The following IL1RL2 variants were observed in gnomAD, a reference collection of about 807,000 sequenced individuals.
IL1RL2 encodes interleukin-1 receptor-like 2.
Under a neutral mutation model 66.8 loss-of-function variants are expected in IL1RL2, and 68 were observed. The observed-to-expected ratio is 1.02, with a 90% CI of 0.84 to 1.25. The LOEUF (loss-of-function observed/expected upper bound fraction) is 1.25. Ranked by LOEUF, IL1RL2 falls within the 50% of genes most tolerant of loss-of-function variation. IL1RL2 has a pLI of 0.00. For missense variants in IL1RL2, 729 were observed against 709.3 expected (o/e 1.03, Z -0.32); for synonymous variants, 305 against 264.6 (o/e 1.15, Z -1.48).
At chr2:102,201,910 G>A (rs948879241) in intron 5 of IL1RL2, among the ~76,000 whole-genome samples, 195 bp downstream of exon 5, 1 of 152,132 alleles carries the variant, frequency 6.6e-6, no homozygotes, top group Non-Finnish European at 1.5e-5. Flanking sequence ...GAGCAGCTTA[G>A]TTTCCTCTTC....
Position 102,235,110 on chromosome 2 carries a change from T to A in IL1RL2, c.1511T>A (p.Ile504Asn). 1 of 1,614,162 alleles carries A rather than the reference T, an allele frequency of 6.2e-7. No individual in the cohort carries two copies. Among genetic ancestry groups the A allele is most frequent in the Non-Finnish European group, 8.5e-7 (1 of 1,180,030 alleles). Residue 504 changes from isoleucine (I) to asparagine (N), a missense_variant, in exon 11 of 12, where the codon ATC becomes AAC. Coordinates refer to ENST00000264257, the MANE Select transcript of IL1RL2 (RefSeq NM_003854.4). ...YTVMPESIQY[I>N]KQKHGAIRWH... is the part of the protein sequence containing the mutation. ...GTCATGCCAGAGTCAATTCAGTACA[T>A]CAAACAGAAGCATGGTGCCATCCGG...
chr2:102,187,662 G>A (rs1686805593), intron 1 of IL1RL2, among the ~76,000 whole-genome samples, 194 bp from the exon 2 acceptor site: 1 of 152,180 alleles, frequency 6.6e-6, no homozygotes, highest in Non-Finnish European at 1.5e-5. Context: ...ATCCTGGTCG[G>A]GCGCCCAGAC....
chr2:102,204,509 G>T (rs1688535601), intron 5 of IL1RL2, among the ~76,000 whole-genome samples: 1 of 152,046 alleles, frequency 6.6e-6, no homozygotes, highest in African/African-American at 2.4e-5. Context: ...TATTGTATTG[G>T]AGCCTATCTT....
At chr2:102,205,550 G>A (rs1170026780) in intron 5 of IL1RL2, among the ~76,000 whole-genome samples, 2 of 151,934 alleles carry the variant, frequency 1.3e-5, no homozygotes, top group East Asian at 1.9e-4. Flanking sequence ...TTTTTAAAAT[G>A]TGTCATGCCA....
In IL1RL2 at chr2:102,187,172, CAAT is replaced by C. The variant is rs1686752229; in HGVS notation, c.-13+87_-13+89del. 3 of 1,247,620 alleles carry C rather than the reference CAAT, an allele frequency of 2.4e-6. No homozygotes were observed. In the Admixed American group the frequency reaches 7.0e-5, roughly 29 times the overall value. The allele number at this position is 1,247,620 out of a possible 1,614,324, so 77.3% of individuals were successfully genotyped here. ...AGGTGTGCAGGAAAAGACGTGGCAA[CAAT>C]GTGTGCCACCGCAGGCCAGGGATCA... is the stretch of plus-strand genomic sequence containing the variant. On this transcript the variant is annotated intron_variant, in intron 1 of 11. Coordinates refer to ENST00000264257, the MANE Select transcript of IL1RL2 (RefSeq NM_003854.4).
In IL1RL2 at chr2:102,189,457, C is replaced by T. The variant is rs35276037; in HGVS notation, c.293+147C>T. Reference sequence around the variant, plus strand: ...GCTACAAGACAATTTCCAGTGAACACATTTTTAAACAGAACAGATTTGTAA... The same window carrying T: ...GCTACAAGACAATTTCCAGTGAACATATTTTTAAACAGAACAGATTTGTAA... On this transcript the variant is annotated intron_variant, in intron 3 of 11. Coordinates refer to ENST00000264257, the MANE Select transcript of IL1RL2 (RefSeq NM_003854.4). 2,135 of 608,716 alleles carry T rather than the reference C, an allele frequency of 3.5e-3. 12 individuals carry two copies. Among genetic ancestry groups the T allele is most frequent in the African/African-American group, 0.018 (985 of 54,230 alleles). 37.7% of individuals were successfully genotyped at this position (608,716 alleles called of 1,614,324 possible).
intron 6 of IL1RL2, among the ~76,000 whole-genome samples, chr2:102,218,414 GGAAA>G (rs758434317): frequency 6.6e-6 from 1 of 152,108 alleles, no homozygotes; most frequent in Non-Finnish European, 1.5e-5. Flanking sequence ...GCAAGATAAG[GGAAA>G]GAGAGGGAAA....
intron 6 of IL1RL2, among the ~76,000 whole-genome samples, chr2:102,216,700 G>A (rs2104821081): frequency 6.6e-6 from 1 of 152,138 alleles, no homozygotes; most frequent in East Asian, 1.9e-4. Context: ...GTTCTCTGTA[G>A]TCCTAAGCTT....
At chr2:102,236,811 TA>T (rs1415252947) in intron 11 of IL1RL2, among the ~76,000 whole-genome samples, 1 of 152,156 alleles carries the variant, frequency 6.6e-6, no homozygotes, top group Non-Finnish European at 1.5e-5. Flanking sequence ...ATAACAGCAT[TA>T]AAAAATGGCT....
chr2:102,187,771 T>G, intron 1 of IL1RL2, 85 bp from the exon 2 acceptor site: 1 of 1,171,776 alleles, frequency 8.5e-7, no homozygotes, highest in Non-Finnish European at 1.3e-6. Flanking sequence ...GCGGTTGTCT[T>G]TGAGATTCCG....
chr2:102,238,892 C>T (rs1341107171), intron 11 of IL1RL2, among the ~76,000 whole-genome samples: 1 of 152,168 alleles, frequency 6.6e-6, no homozygotes, highest in South Asian at 2.1e-4. Context: ...ATCTCCCAGG[C>T]TGTCCCTGGA....
At position 102,189,341 on chromosome 2, in the gene IL1RL2, CGTGT is replaced by C. The variant is rs761685881; in HGVS notation, c.293+36_293+39del. The C allele has an allele frequency of 5.3e-6, 7 of 1,320,280 alleles. No individual in the cohort carries two copies. In the South Asian group the frequency reaches 8.9e-5, roughly 17 times the overall value. The allele number at this position is 1,320,280 out of a possible 1,614,324, so 81.8% of individuals were successfully genotyped here. A position where few individuals can be genotyped will look rare whatever the true frequency, so the allele number is the denominator to read the frequency against. On this transcript the variant is annotated intron_variant, in intron 3 of 11. Coordinates refer to ENST00000264257, the MANE Select transcript of IL1RL2 (RefSeq NM_003854.4). ...TTCCTAATTTAAAATAGAACTAACT[CGTGT>C]GTGTATGTATAAATTATTTTAGGAA...
At chr2:102,228,943 C>T (rs1456813189) in intron 9 of IL1RL2, among the ~76,000 whole-genome samples, 3 of 152,016 alleles carry the variant, frequency 2.0e-5, no homozygotes, top group Non-Finnish European at 2.9e-5. Context: ...ACTGCAACAA[C>T]TTTCCCATGG....
At position 102,219,035 on chromosome 2, in the gene IL1RL2, G is replaced by T; in HGVS notation, c.807G>T (p.Leu269Phe). ...NLRCWRVNNT[L>F]VDDYYDESKR... is the part of the protein sequence containing the mutation. ...GATGCTGGAGAGTCAATAACACTTT[G>T]GTGGATGATTACTATGATGAATCCA... is the stretch of plus-strand genomic sequence containing the variant. Residue 269 changes from leucine (L) to phenylalanine (F), a missense_variant, in exon 7 of 12, where the codon TTG becomes TTT. Transcript: ENST00000264257. 6.2e-7 allele frequency: 1 copy of T among 1,613,880 alleles called. No individual in the cohort carries two copies. The highest frequency in any genetic ancestry group is 8.5e-7 in the Non-Finnish European group (1 of 1,179,828).
intron 6 of IL1RL2, 150 bp downstream of exon 6, chr2:102,212,324 A>G (rs1241244013): frequency 5.4e-6 from 3 of 552,614 alleles, no homozygotes; most frequent in Admixed American, 6.3e-5. Flanking sequence ...TCATGGGGAG[A>G]GGAATCAAAA....
chr2:102,215,183 A>C (rs1181385613), intron 6 of IL1RL2, among the ~76,000 whole-genome samples: 1 of 152,194 alleles, frequency 6.6e-6, no homozygotes, highest in Non-Finnish European at 1.5e-5. Flanking sequence ...AGCAGCCTGG[A>C]GTTCTCATGG....
chr2:102,192,467 G>T (rs941206161), intron 4 of IL1RL2, among the ~76,000 whole-genome samples: 7 of 152,098 alleles, frequency 4.6e-5, no homozygotes, highest in Admixed American at 3.9e-4. Context: ...GTCACCCCCT[G>T]GAAAACCTCT....
chr2:102,234,387 C>T lies in IL1RL2; in HGVS notation c.1298-510C>T, dbSNP rs140028146. 3.7e-3 allele frequency among the ~76,000 whole-genome samples: 565 copies of T among 152,118 alleles called. 5 individuals carry two copies. Among genetic ancestry groups the T allele is most frequent in the African/African-American group, 0.013 (542 of 41,496 alleles). On this transcript the variant is annotated intron_variant, in intron 10 of 11. Transcript: ENST00000264257. ...AACATGATTCATGACTATAGAGGACCAAGGCTCCAGGGAAAGCCACAAAGG... is the reference window on the plus strand; with the variant it reads ...AACATGATTCATGACTATAGAGGACTAAGGCTCCAGGGAAAGCCACAAAGG...
At chr2:102,206,564 T>C (rs1463822570) in intron 5 of IL1RL2, among the ~76,000 whole-genome samples, 1 of 152,210 alleles carries the variant, frequency 6.6e-6, no homozygotes, top group Admixed American at 6.5e-5. Flanking sequence ...TTCTCTTCCC[T>C]TACTTTCTCC....
Sources: allele counts gnomAD v4.1 joint callset (sites outside exome capture counted in the v4.1 genomes callset), GRCh38; gene constraint gnomAD v4.1.1; transcripts MANE v1.5; gene names NCBI Gene and HGNC (gene_info 2026-07-23, HGNC 2026-07-21).